Variants in STK32B observed in about 807,000 individuals in gnomAD.
STK32B encodes the protein serine/threonine kinase 32B.
STK32B carries 43 observed loss-of-function variants against 52.6 expected under a neutral mutation model. That is an observed-to-expected ratio of 0.82 (90% CI 0.64 to 1.05). STK32B has a LOEUF of 1.05. STK32B is among the 50% of genes least tolerant of loss of function. The probability of loss-of-function intolerance (pLI) is 0.00; values close to 1 mark genes in which losing one functional copy is unlikely to be tolerated. For missense variants in STK32B, 621 were observed against 534.6 expected, an observed-to-expected ratio of 1.16 and a Z score of -1.59; for synonymous variants, 238 against 204.3, an observed-to-expected ratio of 1.17 and a Z score of -1.41.
At chr4:5,236,643 G>A (rs772115607) in intron 3 of STK32B, among the ~76,000 whole-genome samples, 2 of 152,198 alleles carry the variant, frequency 1.3e-5, no homozygotes, top group Non-Finnish European at 2.9e-5. Flanking sequence ...AGTGACAAGG[G>A]TCTTTGGCTT....
chr4:5,310,072 A>C (rs1730189435), intron 3 of STK32B, among the ~76,000 whole-genome samples: 1 of 152,140 alleles, frequency 6.6e-6, no homozygotes, highest in Admixed American at 6.6e-5. Flanking sequence ...AGGCTGAGGC[A>C]GGAGAATCGC....
chr4:5,024,250 G>A, the STK32B span, among the ~76,000 whole-genome samples: 19 of 152,210 alleles, frequency 1.2e-4, no homozygotes, highest in Non-Finnish European at 2.2e-4. Flanking sequence ...TAAGGGAGAT[G>A]ATTTTAGATA....
chr4:5,227,133 G>A (rs1439229188), intron 3 of STK32B, among the ~76,000 whole-genome samples: 1 of 152,162 alleles, frequency 6.6e-6, no homozygotes, highest in Non-Finnish European at 1.5e-5. Context: ...TTGAAGAAGT[G>A]AGAAATATTT....
chr4:5,317,492 AAT>A (rs1337498720), intron 3 of STK32B, among the ~76,000 whole-genome samples: 1 of 104,828 alleles, frequency 9.5e-6, no homozygotes, highest in African/African-American at 5.3e-5. Context: ...ACATATATAT[AAT>A]ATATATTATA....
intron 3 of STK32B, among the ~76,000 whole-genome samples, chr4:5,256,530 C>T (rs1028956464): frequency 1.3e-5 from 2 of 152,182 alleles, no homozygotes; most frequent in African/African-American, 4.8e-5. Flanking sequence ...GAGCTATATC[C>T]ATCAGTGTAA....
intron 1 of STK32B, among the ~76,000 whole-genome samples, chr4:5,091,665 TA>T (rs1166814252): frequency 6.6e-6 from 1 of 152,184 alleles, no homozygotes; most frequent in African/African-American, 2.4e-5. Flanking sequence ...TGACAGTTCC[TA>T]AAAAAATTAA....
intron 1 of STK32B, among the ~76,000 whole-genome samples, chr4:5,097,382 T>G (rs531466338): frequency 6.6e-6 from 1 of 152,258 alleles, no homozygotes; most frequent in Non-Finnish European, 1.5e-5. Flanking sequence ...TGAGTTTAAA[T>G]GAATCCATCC....
intron 3 of STK32B, among the ~76,000 whole-genome samples, chr4:5,311,947 AAGT>A (rs1367299934): frequency 2.0e-5 from 3 of 150,422 alleles, no homozygotes; most frequent in African/African-American, 7.3e-5. Flanking sequence ...ATTTTTATGA[AAGT>A]AGTAGAATCT....
intron 3 of STK32B, among the ~76,000 whole-genome samples, chr4:5,268,366 G>T (rs1352620957): frequency 6.6e-6 from 1 of 151,962 alleles, no homozygotes; most frequent in Non-Finnish European, 1.5e-5. Context: ...TATCTGCCTC[G>T]ACCGCTCTGC....
At chr4:5,298,838 C>CAAA (rs35531404) in intron 3 of STK32B, among the ~76,000 whole-genome samples, 11 of 135,582 alleles carry the variant, frequency 8.1e-5, no homozygotes, top group African/African-American at 1.8e-4. Flanking sequence ...CTGGGGTATG[C>CAAA]AAAAAAAAAA....
intron 6 of STK32B, among the ~76,000 whole-genome samples, chr4:5,420,960 C>T (rs1712590988): frequency 6.6e-6 from 1 of 152,166 alleles, no homozygotes; most frequent in Admixed American, 6.5e-5. Context: ...AGTATAATGG[C>T]ATGATCTTGG....
intron 3 of STK32B, among the ~76,000 whole-genome samples, chr4:5,180,537 C>T (rs1391005367): frequency 6.6e-6 from 1 of 152,140 alleles, no homozygotes; most frequent in Admixed American, 6.5e-5. Context: ...CCCCTCCCTG[C>T]TTGGTACCAC....
At chr4:5,260,022 ACCTG>A (rs1726598321) in intron 3 of STK32B, among the ~76,000 whole-genome samples, 1 of 151,956 alleles carries the variant, frequency 6.6e-6, no homozygotes, top group South Asian at 2.1e-4. Context: ...AGTCATGCCA[ACCTG>A]CTTCTTATGA....
chr4:5,151,055 T>G (rs1717324498), intron 2 of STK32B, among the ~76,000 whole-genome samples: 1 of 152,224 alleles, frequency 6.6e-6, no homozygotes, highest in African/African-American at 2.4e-5. Context: ...TCAAATTGAC[T>G]ATAGCCTGTC....
At chr4:5,249,720 C>G (rs953108173) in intron 3 of STK32B, among the ~76,000 whole-genome samples, 2 of 152,078 alleles carry the variant, frequency 1.3e-5, no homozygotes, top group Non-Finnish European at 2.9e-5. Context: ...TTCCCACGGT[C>G]TTAAAAACCC....
Position 5,492,734 on chromosome 4 carries a change from T to C in STK32B, c.1107-6211T>C, listed in dbSNP as rs895760808. ...GGTTTGTCATAGATAGCTCTTACTA[T>C]TTTGAGATACGTCCCATCAATACCA... is the stretch of plus-strand genomic sequence containing the variant. On this transcript the variant is annotated intron_variant, in intron 11 of 11. Transcript: ENST00000282908. 2.0e-5 allele frequency among the ~76,000 whole-genome samples: 3 copies of C among 151,396 alleles called. 1 individual carries two copies. The highest frequency in any genetic ancestry group is 2.5e-5 in the African/African-American group (1 of 40,664).
chr4:5,326,999 C>G (rs1731921838), intron 3 of STK32B, among the ~76,000 whole-genome samples: 1 of 152,128 alleles, frequency 6.6e-6, no homozygotes, highest in African/African-American at 2.4e-5. Context: ...GTCATTTTAA[C>G]AATGTGTACA....
intron 6 of STK32B, among the ~76,000 whole-genome samples, chr4:5,417,943 A>AT (rs1475071227): frequency 6.6e-6 from 1 of 152,208 alleles, no homozygotes; most frequent in African/African-American, 2.4e-5. Context: ...GTGGTCTTTC[A>AT]TCATCAAAGT....
chr4:5,479,278 C>T (rs1718497281), intron 11 of STK32B, among the ~76,000 whole-genome samples: 1 of 151,904 alleles, frequency 6.6e-6, no homozygotes, highest in South Asian at 2.1e-4. Flanking sequence ...CACCACCACG[C>T]CCAGCTAATT....
Sources: gnomAD v4.1 joint callset for allele counts (sites outside exome capture counted in the v4.1 genomes callset) on GRCh38, gnomAD v4.1.1 for gene constraint, MANE v1.5 for transcripts, NCBI Gene and HGNC (gene_info 2026-07-23, HGNC 2026-07-21) for gene names.